SUZ12: variants seen among roughly 807,000 people sequenced by gnomAD.
SUZ12 encodes SUZ12 polycomb repressive complex 2 subunit.
Under a neutral mutation model 87.3 loss-of-function variants are expected in SUZ12, and 17 were observed. The ratio of observed to expected loss-of-function variants is 0.19; its 90% confidence interval spans 0.13 to 0.29. The LOEUF is 0.29. Ranked by LOEUF, SUZ12 falls within the 10% of genes least tolerant of loss-of-function variation. The pLI is 1.00. For synonymous variants in SUZ12, 253 were observed against 312.4 expected (o/e 0.81, Z 2.01); for missense variants, 526 against 912.2 (o/e 0.58, Z 5.45).
At position 31,998,852 on chromosome 17, in the gene SUZ12, A is replaced by C. The variant is rs1910116333; in HGVS notation, c.2069A>C (p.Lys690Thr). ...CGTGAAATGCAGCAAAAATTAGAAA[A>C]GGGGGAATCTGCTTCCCCTGCAAAC... ...KLREMQQKLE[K>T]GESASPANEE... Residue 690 changes from lysine to threonine, a missense_variant, in exon 16 of 16, where the codon AAG becomes ACG. Physicochemically the swap from Lys to Thr is moderately conservative, Grantham distance 78. Coordinates refer to ENST00000322652, the MANE Select transcript of SUZ12 (RefSeq NM_015355.4). 6.2e-7 allele frequency: 1 copy of C among 1,613,458 alleles called. No homozygotes were observed. Among genetic ancestry groups the C allele is most frequent in the Admixed American group, 1.7e-5 (1 of 59,852 alleles).
chr17:31,976,809 A>G (rs1908781228), intron 8 of SUZ12, among the ~76,000 whole-genome samples, 195 bp downstream of exon 8: 1 of 152,196 alleles, frequency 6.6e-6, no homozygotes, highest in Admixed American at 6.5e-5. Context: ...ATTCGGATAG[A>G]TAGCTCAGTT....
intron 3 of SUZ12, among the ~76,000 whole-genome samples, chr17:31,944,782 A>G (rs887226458): frequency 1.2e-4 from 19 of 152,062 alleles, no homozygotes; most frequent in African/African-American, 3.9e-4. Context: ...GTAATTATGA[A>G]TGCAAGTTTT....
intron 10 of SUZ12, among the ~76,000 whole-genome samples, chr17:31,991,080 A>G (rs1364744507): frequency 1.3e-5 from 2 of 152,188 alleles, no homozygotes; most frequent in Admixed American, 6.5e-5. Flanking sequence ...TCCAGTAGGT[A>G]CATTGTCCTT....
At chr17:31,942,833 A>G (rs1906388120) in intron 3 of SUZ12, among the ~76,000 whole-genome samples, 1 of 152,202 alleles carries the variant, frequency 6.6e-6, no homozygotes, top group Non-Finnish European at 1.5e-5. Flanking sequence ...GTGCAAGATT[A>G]TATTTATTTG....
In SUZ12 at chr17:31,957,895, C is replaced by CTTTTTTTTTTTTTTTTTTTT. The variant is rs1181314058; in HGVS notation, c.456-8246_456-8227dup. 1.5e-4 allele frequency among the ~76,000 whole-genome samples: 14 copies of CTTTTTTTTTTTTTTTTTTTT among 91,332 alleles called. 1 individual carries two copies. Among genetic ancestry groups the CTTTTTTTTTTTTTTTTTTTT allele is most frequent in the Non-Finnish European group, 2.0e-4 (9 of 44,588 alleles). 59.9% of individuals were successfully genotyped at this position (91,332 alleles called of 152,430 possible). ...ACCTGGCCCTGGCTCACCTTTTGTC[C>CTTTTTTTTTTTTTTTTTTTT]TTTTTTTTTTTTTTTTTTTTTTTTT... On this transcript the variant is annotated intron_variant, in intron 4 of 15. Transcript: ENST00000322652.
intron 3 of SUZ12, 30 bp downstream of exon 3, chr17:31,940,516 A>C (rs747844972): frequency 1.3e-6 from 2 of 1,514,412 alleles, no homozygotes; most frequent in African/African-American, 2.8e-5. Context: ...TTTCAAGCTG[A>C]TCAAACCATG....
rs58491591 is a variant in SUZ12, at chr17:31,980,429, C to CTTTTTTTTTTTTTTTT, written c.918-2548_918-2533dup. Among the ~76,000 whole-genome samples, 12 of 53,834 alleles carry CTTTTTTTTTTTTTTTT rather than the reference C, an allele frequency of 2.2e-4. 3 individuals are homozygous for CTTTTTTTTTTTTTTTT. In the East Asian group the frequency reaches 4.1e-3, roughly 18 times the overall value. 35.3% of individuals were successfully genotyped at this position (53,834 alleles called of 152,430 possible). On this transcript the variant is annotated intron_variant, in intron 8 of 15. Coordinates refer to ENST00000322652, the MANE Select transcript of SUZ12 (RefSeq NM_015355.4). ...TAAGATATACCAGAATCACCTTCTC[C>CTTTTTTTTTTTTTTTT]TTTTTTTTTTTTTTTTTTTTTTTTT... is the stretch of plus-strand genomic sequence containing the variant.
chr17:31,984,814 T>C (rs1475082233), intron 9 of SUZ12, among the ~76,000 whole-genome samples: 1 of 152,130 alleles, frequency 6.6e-6, no homozygotes, highest in Non-Finnish European at 1.5e-5. Context: ...GTTTCTAGTG[T>C]TTTAGGGACG....
intron 1 of SUZ12, among the ~76,000 whole-genome samples, chr17:31,938,900 A>T (rs1201644320): frequency 1.3e-5 from 2 of 152,198 alleles, no homozygotes; most frequent in African/African-American, 4.8e-5. Context: ...GTCATAAAAC[A>T]ACTCGAAGTT....
chr17:31,989,174 C>T (rs1026150770), intron 10 of SUZ12, among the ~76,000 whole-genome samples: 1 of 152,050 alleles, frequency 6.6e-6, no homozygotes, highest in African/African-American at 2.4e-5. Flanking sequence ...CTGCCCGCCT[C>T]AGTCTCTCAA....
intron 4 of SUZ12, among the ~76,000 whole-genome samples, chr17:31,953,384 T>C (rs935800952): frequency 6.6e-6 from 1 of 152,174 alleles, no homozygotes; most frequent in Non-Finnish European, 1.5e-5. Flanking sequence ...TTGCTGGGAT[T>C]ACAGGTGTGA....
intron 3 of SUZ12, among the ~76,000 whole-genome samples, chr17:31,942,612 C>G (rs1324925478): frequency 6.6e-6 from 1 of 152,174 alleles, no homozygotes; most frequent in Admixed American, 6.5e-5. Flanking sequence ...GCTGGGATTA[C>G]AGACCTGAGC....
At chr17:31,978,834 A>G (rs1214243942) in intron 8 of SUZ12, among the ~76,000 whole-genome samples, 2 of 152,014 alleles carry the variant, frequency 1.3e-5, no homozygotes, top group Non-Finnish European at 2.9e-5. Flanking sequence ...TCACCCGGGC[A>G]TGGTGGCTCA....
chr17:31,978,862 C>T (rs1218282991), intron 8 of SUZ12, among the ~76,000 whole-genome samples: 7 of 152,056 alleles, frequency 4.6e-5, no homozygotes, highest in Non-Finnish European at 7.4e-5. Flanking sequence ...AATCCCAGCA[C>T]TTTGGGAGGC....
chr17:31,984,692 CAA>C (rs1037821491), intron 9 of SUZ12, among the ~76,000 whole-genome samples: 16 of 152,138 alleles, frequency 1.1e-4, no homozygotes, highest in African/African-American at 3.1e-4. Context: ...CTTAAAAAAA[CAA>C]ATATAGATGG....
intron 4 of SUZ12, among the ~76,000 whole-genome samples, chr17:31,957,039 G>A (rs970415643): frequency 6.6e-6 from 1 of 152,166 alleles, no homozygotes; most frequent in African/African-American, 2.4e-5. Context: ...GCCTCCCAAA[G>A]TGCTGGATTA....
At position 31,998,687 on chromosome 17, in the gene SUZ12, C is replaced by T. The variant is rs1402825750; in HGVS notation, c.1904C>T (p.Ala635Val). Residue 635 changes from alanine to valine, a missense_variant, in exon 16 of 16, where the codon GCC becomes GTC. Physicochemically the swap from Ala to Val is moderately conservative, Grantham distance 64. Transcript: ENST00000322652. ...GFIADNQMNH[A>V]CMLFVENYGQ... ...ATTGCTGACAATCAAATGAATCATG[C>T]CTGTATGCTGTTTGTAGAAAATTAT... 1.3e-6 allele frequency: 2 copies of T among 1,583,144 alleles called. No individual in the cohort carries two copies. The highest frequency in any genetic ancestry group is 1.2e-5 in the South Asian group (1 of 85,950).
chr17:31,945,528 A>G (rs1318098007), intron 3 of SUZ12, among the ~76,000 whole-genome samples: 1 of 152,100 alleles, frequency 6.6e-6, no homozygotes, highest in East Asian at 1.9e-4. Context: ...ATTTTCTGAA[A>G]TTTCTTGAAT....
Position 31,994,580 on chromosome 17 carries a change from C to T in SUZ12, c.1454C>T (p.Ala485Val). The T allele has an allele frequency of 1.9e-6, 3 of 1,611,428 alleles. No homozygotes were observed. Among genetic ancestry groups the T allele is most frequent in the Non-Finnish European group, 2.5e-6 (3 of 1,178,986 alleles). Residue 485 changes from alanine to valine, a missense_variant, in exon 13 of 16, where the codon GCT (alanine) becomes GTT (valine). This residue lies in a region of SUZ12 where 143 missense variants were observed against 321.6 expected (regional missense o/e 0.44). Coordinates refer to ENST00000322652, the MANE Select transcript of SUZ12 (RefSeq NM_015355.4). Reference sequence around the variant, plus strand: ...TTGTTGCAGTATCATCCAAAAGGTGCTAGGATAGATGTTTCTATCAATGAG... The same window carrying T: ...TTGTTGCAGTATCATCCAAAAGGTGTTAGGATAGATGTTTCTATCAATGAG... The part of the protein sequence containing the change: ...IFNYVYHPKG[A>V]RIDVSINECY...
Sources: allele counts gnomAD v4.1 joint callset (sites outside exome capture counted in the v4.1 genomes callset), GRCh38; gene constraint gnomAD v4.1.1; regional missense constraint gnomAD v4.1.1; transcripts MANE v1.5; gene names NCBI Gene and HGNC (gene_info 2026-07-23, HGNC 2026-07-21).